Variants in GPR158 observed in about 807,000 individuals in gnomAD.
GPR158 encodes G protein-coupled receptor 158, also known as metabotropic glycine receptor.
Under a neutral mutation model 78.2 loss-of-function variants are expected in GPR158, and 30 were observed. The observed-to-expected ratio is 0.38, with a 90% confidence interval of 0.29 to 0.52. The LOEUF (loss-of-function observed/expected upper bound fraction) is 0.52. Among genes scored for constraint, GPR158 ranks in the 20% least tolerant of loss-of-function variants. The pLI, the probability that GPR158 is intolerant of heterozygous loss-of-function variation, is 0.83. For missense variants in GPR158, 1,463 were observed against 1,523.5 expected (o/e 0.96, Z 0.66); for synonymous variants, 581 against 591.1 (o/e 0.98, Z 0.25).
At chr10:25,332,767 G>A (rs1482447847) in intron 2 of GPR158, among the ~76,000 whole-genome samples, 3 of 151,956 alleles carry the variant, frequency 2.0e-5, no homozygotes, top group East Asian at 1.9e-4. Flanking sequence ...TAGTATTTAG[G>A]ATCTCTCGTT....
chr10:25,314,195 G>A (rs963468431), intron 2 of GPR158, among the ~76,000 whole-genome samples: 1 of 152,074 alleles, frequency 6.6e-6, no homozygotes, highest in Non-Finnish European at 1.5e-5. Context: ...CCACCTCCTG[G>A]GTTCAAGCAA....
chr10:25,240,760 A>T (rs1299145696), intron 2 of GPR158, among the ~76,000 whole-genome samples: 1 of 152,250 alleles, frequency 6.6e-6, no homozygotes, highest in Non-Finnish European at 1.5e-5. Context: ...ATCAGAATTT[A>T]GTATCAATAA....
At chr10:25,426,582 A>C (rs779690677) in intron 4 of GPR158, among the ~76,000 whole-genome samples, 1 of 152,110 alleles carries the variant, frequency 6.6e-6, no homozygotes, top group African/African-American at 2.4e-5. Context: ...GGAGAGGTAC[A>C]GGAGAACTGC....
intron 2 of GPR158, among the ~76,000 whole-genome samples, chr10:25,263,798 G>A (rs758591683): frequency 5.3e-5 from 8 of 152,160 alleles, no homozygotes; most frequent in South Asian, 2.1e-4. Context: ...CCAGTTGGGT[G>A]TGGTGATGGG....
At chr10:25,571,097 G>GTGTT (rs933399270) in intron 6 of GPR158, among the ~76,000 whole-genome samples, 35 of 90,022 alleles carry the variant, frequency 3.9e-4, no homozygotes, top group Non-Finnish European at 6.0e-4. Flanking sequence ...TTACCTGCCA[G>GTGTT]TGTTAGCGTT....
chr10:25,421,711 T>G (rs1834754303), intron 4 of GPR158, among the ~76,000 whole-genome samples: 1 of 152,210 alleles, frequency 6.6e-6, no homozygotes, highest in African/African-American at 2.4e-5. Flanking sequence ...ACTAATAAAA[T>G]ATCACATTAT....
intron 1 of GPR158, among the ~76,000 whole-genome samples, chr10:25,198,090 T>G (rs972725559): frequency 1.4e-4 from 21 of 152,346 alleles, no homozygotes; most frequent in African/African-American, 4.6e-4. Flanking sequence ...ATTTTGAACC[T>G]TAGCAATTTT....
chr10:25,456,165 AT>A (rs1263897645), intron 4 of GPR158, among the ~76,000 whole-genome samples: 2 of 152,160 alleles, frequency 1.3e-5, no homozygotes, highest in Non-Finnish European at 2.9e-5. Flanking sequence ...CTTCTTGCAA[AT>A]AGGGGGCATC....
chr10:25,257,221 C>T (rs1853900162), intron 2 of GPR158, among the ~76,000 whole-genome samples: 2 of 152,082 alleles, frequency 1.3e-5, no homozygotes, highest in African/African-American at 4.8e-5. Flanking sequence ...ATCAAGAGCC[C>T]ACCCTAGAAC....
intron 1 of GPR158, among the ~76,000 whole-genome samples, chr10:25,178,820 G>T (rs1852575764): frequency 6.6e-6 from 1 of 152,176 alleles, no homozygotes; most frequent in Non-Finnish European, 1.5e-5. Flanking sequence ...CATAGATGAA[G>T]AAACAGAACT....
intron 2 of GPR158, among the ~76,000 whole-genome samples, chr10:25,309,140 T>C (rs1433346214): frequency 6.6e-6 from 1 of 152,176 alleles, no homozygotes; most frequent in African/African-American, 2.4e-5. Context: ...TCCTGTTTTC[T>C]ATACTGGCTC....
At chr10:25,338,422 TTATTATATATACG>T (rs1297796209) in intron 2 of GPR158, among the ~76,000 whole-genome samples, 5 of 145,532 alleles carry the variant, frequency 3.4e-5, no homozygotes, top group Admixed American at 1.4e-4. Context: ...GTATTATATA[TTATTATATATACG>T]TATTATATAT....
intron 1 of GPR158, among the ~76,000 whole-genome samples, chr10:25,187,312 T>A (rs1852702557): frequency 6.6e-6 from 1 of 152,090 alleles, no homozygotes; most frequent in African/African-American, 2.4e-5. Context: ...TACCAAAGCC[T>A]GGCAGAGACA....
rs778816358 is a variant in GPR158, at chr10:25,596,801, A to G, written c.2145+12A>G. 6.2e-7 allele frequency: 1 copy of G among 1,608,402 alleles called. No homozygotes were observed. Among genetic ancestry groups the G allele is most frequent in the East Asian group, 2.2e-5 (1 of 44,702 alleles). Reference sequence around the variant, plus strand: ...CAGAGGACATTCGGGTAATGCCAGTACTCTATCTTTCTTCCTATTTCAGAT... The same window carrying G: ...CAGAGGACATTCGGGTAATGCCAGTGCTCTATCTTTCTTCCTATTTCAGAT... On this transcript the variant is annotated intron_variant, in intron 10 of 10. Transcript: ENST00000376351.
At chr10:25,440,430 C>T (rs563268251) in intron 4 of GPR158, among the ~76,000 whole-genome samples, 2 of 152,180 alleles carry the variant, frequency 1.3e-5, no homozygotes, top group Non-Finnish European at 2.9e-5. Flanking sequence ...AGAAACAAAA[C>T]ATTGGTTTCC....
intron 5 of GPR158, among the ~76,000 whole-genome samples, chr10:25,535,835 T>G (rs188285052): frequency 1.6e-4 from 25 of 152,358 alleles, no homozygotes; most frequent in South Asian, 2.1e-4. Context: ...GCTTCTTTTC[T>G]GTCCTTATTT....
At chr10:25,413,721 T>G (rs1834623844) in intron 4 of GPR158, among the ~76,000 whole-genome samples, 1 of 152,180 alleles carries the variant, frequency 6.6e-6, no homozygotes, top group South Asian at 2.1e-4. Context: ...TTATAAAGCC[T>G]CTGTTGAGAT....
chr10:25,466,114 A>T (rs1300263141), intron 4 of GPR158: 1 of 152,396 alleles, frequency 6.6e-6, no homozygotes, highest in Non-Finnish European at 1.5e-5. Context: ...AGGGGATATA[A>T]GCATAAGACA....
chr10:25,388,798 A>C (rs961554968), intron 2 of GPR158, among the ~76,000 whole-genome samples: 1 of 152,158 alleles, frequency 6.6e-6, no homozygotes, highest in African/African-American at 2.4e-5. Context: ...GGGGCCTGGG[A>C]AGGCCCCCTC....
Sources: allele counts gnomAD v4.1 joint callset (sites outside exome capture counted in the v4.1 genomes callset), GRCh38; gene constraint gnomAD v4.1.1; transcripts MANE v1.5; gene names NCBI Gene and HGNC (gene_info 2026-07-23, HGNC 2026-07-21).